The following ADAM12 variants were observed in gnomAD, a reference collection of about 807,000 sequenced individuals.
ADAM12 encodes disintegrin and metalloproteinase domain-containing protein 12.
In ADAM12, 70 loss-of-function variants were observed where a neutral mutation model predicts 106.4. The ratio of observed to expected loss-of-function variants is 0.66; its 90% confidence interval spans 0.54 to 0.80. The LOEUF is 0.80. Ranked by LOEUF, ADAM12 falls within the 30% of genes least tolerant of loss-of-function variation. ADAM12 has a pLI of 0.00. For synonymous variants in ADAM12, 420 were observed against 433.5 expected (o/e 0.97, Z 0.39); for missense variants, 1,010 against 1,171.9 (o/e 0.86, Z 2.02).
chr10:126,042,321 C>A, intron 18 of ADAM12: 1 of 1,539,530 alleles, frequency 6.5e-7, no homozygotes, highest in Non-Finnish European at 8.8e-7. Context: ...ACCAGTAAAC[C>A]ATTTCTAAAG....
intron 18 of ADAM12, 115 bp downstream of exon 18, chr10:126,042,925 G>A (rs1380669918): frequency 1.0e-6 from 1 of 979,822 alleles, no homozygotes; most frequent in African/African-American, 1.6e-5. Flanking sequence ...AGACCCATGT[G>A]GGGTCCCCAC....
At chr10:126,221,201 T>C (rs1361511846) in intron 3 of ADAM12, among the ~76,000 whole-genome samples, 2 of 152,080 alleles carry the variant, frequency 1.3e-5, no homozygotes, top group African/African-American at 4.8e-5. Flanking sequence ...CTGGCCAATA[T>C]GGTGAAACCC....
At chr10:126,296,895 C>A (rs1326171973) in intron 2 of ADAM12, among the ~76,000 whole-genome samples, 1 of 152,198 alleles carries the variant, frequency 6.6e-6, no homozygotes, top group Non-Finnish European at 1.5e-5. Flanking sequence ...AATTTTGACA[C>A]ACAGTTCCAA....
intron 2 of ADAM12, among the ~76,000 whole-genome samples, chr10:126,288,939 A>T (rs761055698): frequency 2.7e-5 from 4 of 150,462 alleles, no homozygotes; most frequent in Non-Finnish European, 5.9e-5. Context: ...GGACCGCATG[A>T]TGACATGGTA....
intron 2 of ADAM12, among the ~76,000 whole-genome samples, chr10:126,315,920 C>G (rs1165997472): frequency 6.6e-6 from 1 of 152,146 alleles, no homozygotes; most frequent in Non-Finnish European, 1.5e-5. Context: ...CGATGCATTC[C>G]CACGAAGTCC....
intron 3 of ADAM12, among the ~76,000 whole-genome samples, chr10:126,228,254 A>G (rs979626905): frequency 1.3e-5 from 2 of 152,232 alleles, no homozygotes; most frequent in African/African-American, 4.8e-5. Context: ...ATTGGTATTA[A>G]CAAAGGCTTA....
chr10:126,120,223 CA>C (rs1464178988), intron 5 of ADAM12, among the ~76,000 whole-genome samples: 1 of 152,130 alleles, frequency 6.6e-6, no homozygotes, highest in Non-Finnish European at 1.5e-5. Context: ...AAGTTCACTA[CA>C]AATCAACTGA....
intron 3 of ADAM12, among the ~76,000 whole-genome samples, chr10:126,180,231 C>G (rs888426713): frequency 1.3e-5 from 2 of 152,148 alleles, no homozygotes; most frequent in Non-Finnish European, 2.9e-5. Flanking sequence ...GAAGGTCATC[C>G]GCTTAGTAAC....
At chr10:126,189,838 C>G (rs966222981) in intron 3 of ADAM12, among the ~76,000 whole-genome samples, 5 of 152,220 alleles carry the variant, frequency 3.3e-5, no homozygotes, top group Middle Eastern at 3.4e-3. Context: ...GAGCCTCCTG[C>G]AGAACCTTCC....
chr10:126,227,466 C>T (rs528835003), intron 3 of ADAM12, among the ~76,000 whole-genome samples: 3 of 152,150 alleles, frequency 2.0e-5, no homozygotes, highest in Non-Finnish European at 4.4e-5. Context: ...CCTACATAGA[C>T]GATCTCATTG....
intron 3 of ADAM12, among the ~76,000 whole-genome samples, chr10:126,195,491 C>T (rs1957580451): frequency 6.6e-6 from 1 of 152,246 alleles, no homozygotes; most frequent in East Asian, 1.9e-4. Flanking sequence ...AGGAGAATCG[C>T]TTGAACCCGG....
At position 126,038,998 on chromosome 10, in the gene ADAM12, C is replaced by T. The variant is rs1809273; in HGVS notation, c.2240+296G>A. Among the ~76,000 whole-genome samples the T allele has an allele frequency of 7.1e-4, 91 of 128,906 alleles. 1 individual carries two copies. Among genetic ancestry groups the T allele is most frequent in the African/African-American group, 2.2e-3 (76 of 34,294 alleles). The allele number at this position is 128,906 out of a possible 152,430, so 84.6% of individuals were successfully genotyped here. On this transcript the variant is annotated intron_variant, in intron 19 of 22. Coordinates refer to ENST00000448723, the MANE Select transcript of ADAM12 (RefSeq NM_001288973.2). ...TTTTTGAGATGGAGTCTTGCTCTCT[C>T]GCCCAGGCTGGAGTGCAGTGGAGTG...
In ADAM12 at chr10:126,034,598, A is replaced by C. The variant is rs150215744; in HGVS notation, c.2529+1548T>G. ...CAATTGCATTAAATATGAATGTTCT[A>C]AACACACCTATTAAAATATAGTGAC... On this transcript the variant is annotated intron_variant, in intron 21 of 22. Coordinates refer to ENST00000448723, the MANE Select transcript of ADAM12 (RefSeq NM_001288973.2). Among the ~76,000 whole-genome samples the C allele has an allele frequency of 1.4e-3, 214 of 152,300 alleles. 1 individual carries two copies. Among genetic ancestry groups the C allele is most frequent in the African/African-American group, 4.7e-3 (197 of 41,568 alleles).
intron 3 of ADAM12, among the ~76,000 whole-genome samples, chr10:126,208,313 C>T (rs556994284): frequency 6.6e-6 from 1 of 152,260 alleles, no homozygotes; most frequent in South Asian, 2.1e-4. Flanking sequence ...GGGATGCTGC[C>T]AAACATCCTA....
chr10:126,355,573 C>T (rs564448189), intron 1 of ADAM12, among the ~76,000 whole-genome samples: 1 of 152,344 alleles, frequency 6.6e-6, no homozygotes, highest in South Asian at 2.1e-4. Flanking sequence ...CACACTGCTT[C>T]TCCCTCCATC....
At chr10:126,119,729 T>C (rs1159656272) in intron 5 of ADAM12, among the ~76,000 whole-genome samples, 3 of 152,206 alleles carry the variant, frequency 2.0e-5, no homozygotes, top group African/African-American at 7.2e-5. Context: ...CATTTAGCCA[T>C]GGACCATGAC....
Position 126,133,251 on chromosome 10 carries a change from TC to T in ADAM12, c.416+2332del, listed in dbSNP as rs942710858. 6.0e-4 allele frequency among the ~76,000 whole-genome samples: 92 copies of T among 152,148 alleles called. 5 individuals carry two copies. Among genetic ancestry groups the T allele is most frequent in the Non-Finnish European group, 4.4e-5 (3 of 68,034 alleles). Reference sequence around the variant, plus strand: ...ATTGTCACTTCCAAACTCTCCTTCTTCACCTTCTCCTGAGCGCCCACTCTGC... The same window carrying T: ...ATTGTCACTTCCAAACTCTCCTTCTTACCTTCTCCTGAGCGCCCACTCTGC... On this transcript the variant is annotated intron_variant, in intron 5 of 22. Coordinates refer to ENST00000448723, the MANE Select transcript of ADAM12 (RefSeq NM_001288973.2).
At chr10:126,236,579 T>TGAGCACTCACAGGAAG (rs1294851378) in intron 3 of ADAM12, among the ~76,000 whole-genome samples, 6 of 151,888 alleles carry the variant, frequency 4.0e-5, no homozygotes, top group Admixed American at 2.6e-4. Context: ...GGGAGCTGAA[T>TGAGCACTCACAGGAAG]GAGCACTCAC....
chr10:126,175,600 G>A (rs1252431727), intron 3 of ADAM12, among the ~76,000 whole-genome samples: 1 of 152,122 alleles, frequency 6.6e-6, no homozygotes, highest in Non-Finnish European at 1.5e-5. Flanking sequence ...AAAAACAATC[G>A]AGGAATGGTA....
Sources: allele counts gnomAD v4.1 joint callset (sites outside exome capture counted in the v4.1 genomes callset), GRCh38; gene constraint gnomAD v4.1.1; transcripts MANE v1.5; gene names NCBI Gene and HGNC (gene_info 2026-07-23, HGNC 2026-07-21).